Variants in PCF11 observed in about 807,000 individuals in gnomAD.
The protein encoded by PCF11 is pre-mRNA cleavage complex 2 protein Pcf11.
PCF11 carries 19 observed loss-of-function variants against 166.1 expected under a neutral mutation model. The observed-to-expected ratio is 0.11, with a 90% confidence interval of 0.08 to 0.17. The LOEUF (loss-of-function observed/expected upper bound fraction) is 0.17. PCF11 is among the 10% of genes least tolerant of loss of function. The pLI, the probability that PCF11 is intolerant of heterozygous loss-of-function variation, is 1.00. For synonymous variants in PCF11, 663 were observed against 644.1 expected (o/e 1.03, Z -0.44); for missense variants, 1,565 against 1,855.5 (o/e 0.84, Z 2.88).
intron 3 of PCF11, 88 bp from the exon 4 acceptor site, chr11:83,164,119 C>A (rs905007000): frequency 1.1e-4 from 90 of 836,622 alleles, no homozygotes; most frequent in Non-Finnish European, 1.5e-4. Context: ...GAATTTGGAT[C>A]ATATTAAGAG....
intron 9 of PCF11, among the ~76,000 whole-genome samples, chr11:83,173,545 A>T (rs1462283240): frequency 6.6e-6 from 1 of 150,848 alleles, no homozygotes; most frequent in South Asian, 2.1e-4. Context: ...TAGAGAATCA[A>T]ATGATATAGT....
chr11:83,161,323 T>G lies in PCF11; in HGVS notation c.193-4T>G, dbSNP rs369248443. The stretch of plus-strand genomic sequence containing the variant: ...ACTAAACTTCTCAGTTTCTTTTTAT[T>G]CAGGCTCCTTCCTCAGAGAAGCTTC... On this transcript the variant is annotated splice_polypyrimidine_tract_variant and splice_region_variant and intron_variant, in intron 1 of 15. Coordinates refer to ENST00000298281, the Ensembl canonical transcript of PCF11. 5 of 1,588,502 alleles carry G rather than the reference T, an allele frequency of 3.1e-6. No individual in the cohort carries two copies. Among genetic ancestry groups the G allele is most frequent in the Non-Finnish European group, 4.3e-6 (5 of 1,171,210 alleles).
chr11:83,183,386 G>A (rs1176789891), intron 15 of PCF11, among the ~76,000 whole-genome samples: 1 of 152,188 alleles, frequency 6.6e-6, no homozygotes, highest in African/African-American at 2.4e-5. Flanking sequence ...GAGGAAAAGT[G>A]AAGATAAGGA....
At chr11:83,163,733 A>G in exon 3 of PCF11, 1 of 1,596,000 alleles carries the variant, frequency 6.3e-7, no homozygotes, top group Non-Finnish European at 8.6e-7. Flanking sequence ...ATGGGATGAA[A>G]TATTCCCTTT....
intron 1 of PCF11, chr11:83,157,883 A>G (rs1465570435): frequency 1.9e-5 from 10 of 531,696 alleles, no homozygotes; most frequent in Admixed American, 9.5e-5. Context: ...ACCGCATTGT[A>G]TATCCCGACA....
intron 1 of PCF11, among the ~76,000 whole-genome samples, chr11:83,160,348 TTTTTTTTTA>T (rs1860195109): frequency 7.4e-6 from 1 of 135,386 alleles, no homozygotes. Flanking sequence ...TTTTTTGTCT[TTTTTTTTTA>T]TTTTAAATCA....
intron 1 of PCF11, among the ~76,000 whole-genome samples, chr11:83,159,476 C>A (rs1032632996): frequency 5.9e-5 from 9 of 151,970 alleles, no homozygotes; most frequent in Non-Finnish European, 1.0e-4. Context: ...TTAATGGATC[C>A]GGAAGACCTT....
chr11:83,163,383 T>C (rs538681700), intron 2 of PCF11, among the ~76,000 whole-genome samples: 5 of 152,282 alleles, frequency 3.3e-5, no homozygotes, highest in African/African-American at 4.8e-5. Flanking sequence ...CATTTTTTTT[T>C]CCCAGAGAAA....
intron 2 of PCF11, among the ~76,000 whole-genome samples, chr11:83,162,860 C>T (rs778397279): frequency 5.3e-5 from 8 of 152,120 alleles, no homozygotes; most frequent in Non-Finnish European, 1.2e-4. Flanking sequence ...CTGCAACCTC[C>T]GCCTCCCGGA....
chr11:83,175,720 C>T (rs928009254), intron 9 of PCF11, among the ~76,000 whole-genome samples: 4 of 152,146 alleles, frequency 2.6e-5, no homozygotes, highest in Admixed American at 2.6e-4. Flanking sequence ...TGCCCCTGCA[C>T]TCCAGCCTGG....
rs547357452 is a variant in PCF11, at chr11:83,184,948, G to C, written c.*54G>C. ...TTTAAAAAAGCTGCTGTTGGATCTA[G>C]AAGGTGAAGAATTTTTTTATGTATA... On this transcript the variant is annotated 3_prime_UTR_variant, in exon 16 of 16. Transcript: ENST00000298281. 6.0e-5 allele frequency: 75 copies of C among 1,252,020 alleles called. No homozygotes were observed. In the African/African-American group the frequency reaches 1.1e-3, roughly 19 times the overall value. 77.6% of individuals were successfully genotyped at this position (1,252,020 alleles called of 1,614,324 possible).
intron 10 of PCF11, 81 bp from the exon 11 acceptor site, chr11:83,177,633 C>T (rs1565160849): frequency 3.3e-6 from 2 of 611,458 alleles, no homozygotes; most frequent in East Asian, 3.1e-5. Context: ...TCTCTATTTG[C>T]TTATAATACT....
chr11:83,171,790 G>A (rs1170387987), intron 8 of PCF11, 28 bp from the exon 9 acceptor site: 1 of 1,158,588 alleles, frequency 8.6e-7, no homozygotes, highest in Non-Finnish European at 1.3e-6. Flanking sequence ...TAGAAAGCAT[G>A]TTCTTAAAAT....
chr11:83,181,291 A>C (rs970760296), intron 12 of PCF11, 100 bp downstream of exon 12: 3 of 373,672 alleles, frequency 8.0e-6, no homozygotes, highest in Non-Finnish European at 1.3e-5. Flanking sequence ...ATTTTAATTA[A>C]GTAATTTAAT....
intron 15 of PCF11, 187 bp from the exon 16 acceptor site, chr11:83,184,492 T>G (rs1309196750): frequency 7.0e-6 from 4 of 568,104 alleles, no homozygotes; most frequent in African/African-American, 3.8e-5. Context: ...GAGTACATAT[T>G]GAACGTGCAA....
At chr11:83,159,694 G>A (rs575311158) in intron 1 of PCF11, among the ~76,000 whole-genome samples, 14 of 152,278 alleles carry the variant, frequency 9.2e-5, no homozygotes, top group African/African-American at 3.4e-4. Flanking sequence ...TCTGGGTTGG[G>A]ATCGAGGGTG....
intron 9 of PCF11, among the ~76,000 whole-genome samples, chr11:83,174,500 T>C (rs1289937446): frequency 6.6e-6 from 1 of 151,894 alleles, no homozygotes; most frequent in African/African-American, 2.4e-5. Context: ...TTTATAGGCA[T>C]GAGCCACCAC....
rs1426266553 is a variant in PCF11, at chr11:83,182,098, A to G, written c.4323+89A>G. 4.9e-6 allele frequency: 5 copies of G among 1,027,656 alleles called. No homozygotes were observed. The Admixed American group carries it at 1.6e-4, about 34-fold the overall frequency. The allele number at this position is 1,027,656 out of a possible 1,614,324, so 63.7% of individuals were successfully genotyped here. ...CTCATAAACACATCACTATATTTATATCCCTGTTTTAATGATTTTAAGACT... is the reference window on the plus strand; with the variant it reads ...CTCATAAACACATCACTATATTTATGTCCCTGTTTTAATGATTTTAAGACT... On this transcript the variant is annotated intron_variant, in intron 13 of 15. Coordinates refer to ENST00000298281, the Ensembl canonical transcript of PCF11.
intron 9 of PCF11, among the ~76,000 whole-genome samples, chr11:83,172,718 A>G (rs887698267): frequency 6.6e-6 from 1 of 152,132 alleles, no homozygotes; most frequent in African/African-American, 2.4e-5. Context: ...GCCCGGCAAA[A>G]TGAATTTTAG....
Sources: allele counts gnomAD v4.1 joint callset (sites outside exome capture counted in the v4.1 genomes callset), GRCh38; gene constraint gnomAD v4.1.1; transcripts MANE v1.5; gene names NCBI Gene and HGNC (gene_info 2026-07-23, HGNC 2026-07-21).